QTMAN: variants seen among roughly 807,000 people sequenced by gnomAD.
QTMAN encodes tRNA-queuosine alpha-mannosyltransferase.
chr2:143,968,910 C>T, the QTMAN span, among the ~76,000 whole-genome samples: 3 of 152,182 alleles, frequency 2.0e-5, no homozygotes, highest in African/African-American at 4.8e-5. Flanking sequence ...GTCTACATAT[C>T]GTTGCGAGAC....
At chr2:144,081,410 A>G in the QTMAN span, among the ~76,000 whole-genome samples, 1 of 152,196 alleles carries the variant, frequency 6.6e-6, no homozygotes, top group Non-Finnish European at 1.5e-5. Context: ...CAGGGCATCA[A>G]AAAGGTCCAA....
At chr2:144,208,705 C>T in the QTMAN span, 1 of 1,613,790 alleles carries the variant, frequency 6.2e-7, no homozygotes, top group Non-Finnish European at 8.5e-7. Context: ...GACACAGTCT[C>T]CTAACTCTTC....
the QTMAN span, chr2:144,230,119 CTATATGA>C: frequency 2.0e-5 from 3 of 152,084 alleles, no homozygotes; most frequent in Non-Finnish European, 4.4e-5. Flanking sequence ...TCTGGGGTCC[CTATATGA>C]TATGAAGTCC....
At chr2:144,162,455 G>A in the QTMAN span, among the ~76,000 whole-genome samples, 1 of 152,266 alleles carries the variant, frequency 6.6e-6, no homozygotes. Context: ...TTGTACAGAT[G>A]TCAAGCTTGA....
At chr2:144,248,956 G>A in the QTMAN span, among the ~76,000 whole-genome samples, 1 of 152,234 alleles carries the variant, frequency 6.6e-6, no homozygotes, top group African/African-American at 2.4e-5. Context: ...TTTCTTAACA[G>A]ATCCATGTTT....
At chr2:144,212,485 A>G in the QTMAN span, among the ~76,000 whole-genome samples, 1 of 152,128 alleles carries the variant, frequency 6.6e-6, no homozygotes, top group Non-Finnish European at 1.5e-5. Context: ...AGAACAACAA[A>G]AACAACAACG....
the QTMAN span, among the ~76,000 whole-genome samples, chr2:144,296,783 C>G: frequency 6.6e-6 from 1 of 152,168 alleles, no homozygotes; most frequent in African/African-American, 2.4e-5. Context: ...ACCCAGACTA[C>G]ACTTTCACCC....
At chr2:144,145,484 CA>C in the QTMAN span, 1 of 882,232 alleles carries the variant, frequency 1.1e-6, no homozygotes, top group South Asian at 1.8e-5. Context: ...AAAAGGTGTA[CA>C]ATAGTAGGTC....
At chr2:144,018,110 T>C in the QTMAN span, among the ~76,000 whole-genome samples, 38 of 152,318 alleles carry the variant, frequency 2.5e-4, no homozygotes, top group Middle Eastern at 3.4e-3. Flanking sequence ...TCTTTACTTA[T>C]ATTCCTTCAT....
At chr2:144,059,819 A>G in the QTMAN span, among the ~76,000 whole-genome samples, 94 of 152,002 alleles carry the variant, frequency 6.2e-4, no homozygotes, top group African/African-American at 2.1e-3. Flanking sequence ...TCGTCCCCCT[A>G]TTGGCCTTCA....
chr2:144,169,424 A>T, the QTMAN span, among the ~76,000 whole-genome samples: 1 of 152,176 alleles, frequency 6.6e-6, no homozygotes, highest in African/African-American at 2.4e-5. Context: ...TAATTAAAAA[A>T]TATTTTTTTG....
At chr2:144,030,180 C>T in the QTMAN span, among the ~76,000 whole-genome samples, 1 of 152,138 alleles carries the variant, frequency 6.6e-6, no homozygotes, top group African/African-American at 2.4e-5. Flanking sequence ...ATTAATCTTA[C>T]CACCTTACTA....
At chr2:144,115,440 T>C in the QTMAN span, among the ~76,000 whole-genome samples, 1 of 152,178 alleles carries the variant, frequency 6.6e-6, no homozygotes, top group Admixed American at 6.5e-5. Flanking sequence ...TGAGGTTGCC[T>C]CCCAAAAAAT....
At chr2:144,007,740 A>G in the QTMAN span, among the ~76,000 whole-genome samples, 1 of 152,118 alleles carries the variant, frequency 6.6e-6, no homozygotes, top group East Asian at 1.9e-4. Context: ...GTCTTTGAAT[A>G]GTTTCCAAAG....
the QTMAN span, among the ~76,000 whole-genome samples, chr2:144,012,027 T>G: frequency 3.1e-4 from 47 of 152,128 alleles, no homozygotes; most frequent in Admixed American, 2.9e-3. Context: ...TTTAGAAATA[T>G]TCGGATTGCC....
the QTMAN span, among the ~76,000 whole-genome samples, chr2:144,110,659 A>G: frequency 1.3e-5 from 2 of 151,254 alleles, no homozygotes; most frequent in Non-Finnish European, 1.5e-5. Context: ...TCTTCTCCAC[A>G]TAACAGAAGA....
At chr2:144,271,536 G>A in the QTMAN span, among the ~76,000 whole-genome samples, 2 of 152,184 alleles carry the variant, frequency 1.3e-5, no homozygotes, top group Non-Finnish European at 2.9e-5. Flanking sequence ...TTACCTCTCA[G>A]TAACTTTCCT....
At chr2:144,116,722 C>A in the QTMAN span, among the ~76,000 whole-genome samples, 3,159 of 152,262 alleles carry the variant, frequency 0.021, 52 homozygotes, top group Non-Finnish European at 0.033. Flanking sequence ...GTAGATTGTG[C>A]ATTTCTTCAT....
At chr2:144,300,989 T>G in the QTMAN span, among the ~76,000 whole-genome samples, 1 of 152,118 alleles carries the variant, frequency 6.6e-6, no homozygotes, top group Non-Finnish European at 1.5e-5. Context: ...TATATAGCAT[T>G]TAATCTGACC....
Sources: allele counts gnomAD v4.1 joint callset (sites outside exome capture counted in the v4.1 genomes callset), GRCh38; gene constraint gnomAD v4.1.1; transcripts MANE v1.5; gene names NCBI Gene and HGNC (gene_info 2026-07-23, HGNC 2026-07-21).